The following HYAL4 variants were observed in gnomAD, a reference collection of about 807,000 sequenced individuals.
HYAL4 encodes the protein hyaluronidase-4.
Under a neutral mutation model 35.2 loss-of-function variants are expected in HYAL4, and 37 were observed. The observed-to-expected ratio is 1.05, with a 90% confidence interval of 0.81 to 1.38. The LOEUF is 1.38. HYAL4 is among the 40% of genes most tolerant of loss of function. HYAL4 has a pLI of 0.00. For synonymous variants in HYAL4, 198 were observed against 203.2 expected, an observed-to-expected ratio of 0.97 and a Z score of 0.22; for missense variants, 572 against 572.4, an observed-to-expected ratio of 1.00 and a Z score of 0.01.
At chr7:123,817,133 G>A in the HYAL4 span, among the ~76,000 whole-genome samples, 1 of 152,120 alleles carries the variant, frequency 6.6e-6, no homozygotes, top group African/African-American at 2.4e-5. Context: ...CCTTGTAGGG[G>A]AGAAAAGAAT....
At chr7:123,788,830 A>G in the HYAL4 span, among the ~76,000 whole-genome samples, 1 of 152,202 alleles carries the variant, frequency 6.6e-6, no homozygotes, top group African/African-American at 2.4e-5. Context: ...CTATTTTACT[A>G]CCTCTGTTCG....
chr7:123,780,538 T>C, the HYAL4 span, among the ~76,000 whole-genome samples: 1 of 152,218 alleles, frequency 6.6e-6, no homozygotes, highest in Non-Finnish European at 1.5e-5. Flanking sequence ...CTTAGAATCA[T>C]CATCTAAGAA....
chr7:123,857,366 A>G (rs1343414059), intron 2 of HYAL4, among the ~76,000 whole-genome samples: 1 of 152,128 alleles, frequency 6.6e-6, no homozygotes, highest in East Asian at 1.9e-4. Flanking sequence ...TGGGAAAAGC[A>G]TAGCAGCTGG....
At chr7:123,855,499 C>A (rs1000484651) in intron 2 of HYAL4, among the ~76,000 whole-genome samples, 1 of 152,072 alleles carries the variant, frequency 6.6e-6, no homozygotes, top group Non-Finnish European at 1.5e-5. Flanking sequence ...GTTGAAAATT[C>A]TTTTCTTAAG....
rs560014080 is a variant in HYAL4 at position 123,835,304 on chromosome 7, T to C, written c.-257+6180T>C. Among the ~76,000 whole-genome samples, 20 of 152,268 alleles carry C rather than the reference T, an allele frequency of 1.3e-4. No individual in the cohort carries two copies. The South Asian group carries it at 3.7e-3, about 28-fold the overall frequency. ...GTATCTAATTCTTCCTGATTTAAGCTAGGAGGGTGGTTATTTTTCCAGGAA... is the reference window on the plus strand; with the variant it reads ...GTATCTAATTCTTCCTGATTTAAGCCAGGAGGGTGGTTATTTTTCCAGGAA... On this transcript the variant is annotated intron_variant, in intron 1 of 4. Coordinates refer to the HYAL4 transcript ENST00000489978.
At position 123,868,568 on chromosome 7, in the gene HYAL4, C is replaced by T; in HGVS notation, c.295C>T (p.Pro99Ser). 1 of 1,614,088 alleles carries T rather than the reference C, an allele frequency of 6.2e-7. No homozygotes were observed. The highest frequency in any genetic ancestry group is 1.7e-5 in the Admixed American group (1 of 60,014). Residue 99 changes from proline to serine, a missense_variant, in exon 3 of 5, where the codon CCG (proline) becomes TCG (serine). Pro to Ser is a moderately conservative substitution (Grantham distance 74). Transcript: ENST00000223026. The stretch of plus-strand genomic sequence containing the variant: ...TTATGTCAACAGATTGGGATACTAT[C>T]CGTGGTATACATCACAAGGGGTCCC... ...IFYVNRLGYY[P>S]WYTSQGVPIN...
At position 123,877,225 on chromosome 7, in the gene HYAL4, A is replaced by G; in HGVS notation, c.*70A>G. 8.4e-6 allele frequency: 12 copies of G among 1,431,424 alleles called. No individual in the cohort carries two copies. Among genetic ancestry groups the G allele is most frequent in the Non-Finnish European group, 1.1e-5 (12 of 1,057,720 alleles). The allele number at this position is 1,431,424 out of a possible 1,614,324, so 88.7% of individuals were successfully genotyped here. A position where few individuals can be genotyped will look rare whatever the true frequency, so the allele number is the denominator to read the frequency against. On this transcript the variant is annotated 3_prime_UTR_variant, in exon 5 of 5. Transcript: ENST00000223026. ...TTTAAAGAAGGATGTAACTTATAAC[A>G]TTTTTTTTCTCTTATGAATTCTATT... is the stretch of plus-strand genomic sequence containing the variant.
chr7:123,859,828 A>G (rs1021034602), intron 2 of HYAL4, among the ~76,000 whole-genome samples: 3 of 152,208 alleles, frequency 2.0e-5, no homozygotes, highest in Non-Finnish European at 4.4e-5. Flanking sequence ...CAAAATTCCA[A>G]CAGAACTTCC....
chr7:123,800,656 T>C, the HYAL4 span, among the ~76,000 whole-genome samples: 3 of 141,526 alleles, frequency 2.1e-5, no homozygotes, highest in African/African-American at 8.7e-5. Context: ...TTTTCTCTCT[T>C]TTTTTTTTGT....
At chr7:123,863,986 C>T (rs981066061) in intron 2 of HYAL4, among the ~76,000 whole-genome samples, 1 of 152,152 alleles carries the variant, frequency 6.6e-6, no homozygotes, top group African/African-American at 2.4e-5. Context: ...AACATCCCTC[C>T]TGCCACCTTC....
upstream of HYAL4, among the ~76,000 whole-genome samples, chr7:123,828,170 A>G (rs1709134455): frequency 6.6e-6 from 1 of 152,154 alleles, no homozygotes; most frequent in Non-Finnish European, 1.5e-5. Context: ...TATACAATGT[A>G]CAAGTAACAC....
intron 2 of HYAL4, among the ~76,000 whole-genome samples, chr7:123,860,163 C>A (rs1337661451): frequency 4.6e-5 from 7 of 152,148 alleles, no homozygotes; most frequent in African/African-American, 1.7e-4. Context: ...TTCCTGCCAC[C>A]TTGTGAAGAA....
intron 2 of HYAL4, among the ~76,000 whole-genome samples, chr7:123,861,559 T>C (rs1310827000): frequency 1.3e-5 from 2 of 152,164 alleles, no homozygotes; most frequent in African/African-American, 4.8e-5. Context: ...TATACTTTAA[T>C]ACAGAGATAA....
the HYAL4 span, among the ~76,000 whole-genome samples, chr7:123,822,344 C>A: frequency 6.6e-6 from 1 of 151,998 alleles, no homozygotes; most frequent in Non-Finnish European, 1.5e-5. Context: ...TTTTGATGTA[C>A]AAGTCTTTCA....
At chr7:123,809,622 T>A in the HYAL4 span, among the ~76,000 whole-genome samples, 1 of 152,078 alleles carries the variant, frequency 6.6e-6, no homozygotes, top group African/African-American at 2.4e-5. Context: ...TGGTTCAGAA[T>A]TCCTGGCCTC....
At chr7:123,844,125 C>G (rs1338550277), upstream of HYAL4, 4 of 152,060 alleles carry the variant, frequency 2.6e-5, no homozygotes, top group Admixed American at 1.3e-4. Flanking sequence ...TTCTCCCCAT[C>G]TTTGTGGTTA....
chr7:123,773,420 TAAG>T, the HYAL4 span, among the ~76,000 whole-genome samples: 1 of 152,332 alleles, frequency 6.6e-6, no homozygotes, highest in Middle Eastern at 3.4e-3. Flanking sequence ...AAGAGTAAGA[TAAG>T]AATAAATTAA....
At chr7:123,817,485 C>T in the HYAL4 span, among the ~76,000 whole-genome samples, 1 of 148,064 alleles carries the variant, frequency 6.8e-6, no homozygotes, top group East Asian at 2.0e-4. Flanking sequence ...ACTATCTTGA[C>T]CTTCCCCTCC....
At chr7:123,795,026 C>T in the HYAL4 span, among the ~76,000 whole-genome samples, 1 of 152,246 alleles carries the variant, frequency 6.6e-6, no homozygotes. Flanking sequence ...CATGGGAGCC[C>T]ACCTGTTGCA....
Sources: gnomAD v4.1 joint callset for allele counts (sites outside exome capture counted in the v4.1 genomes callset) on GRCh38, gnomAD v4.1.1 for gene constraint, MANE v1.5 for transcripts, NCBI Gene and HGNC (gene_info 2026-07-23, HGNC 2026-07-21) for gene names.